The following SCN1A variants were observed in gnomAD, a reference collection of about 807,000 sequenced individuals.
SCN1A encodes the protein sodium voltage-gated channel alpha subunit 1.
Under a neutral mutation model 193.7 loss-of-function variants are expected in SCN1A, and 13 were observed. The observed-to-expected ratio is 0.07, with a 90% CI of 0.04 to 0.11. The LOEUF is 0.11. SCN1A is among the 10% of genes least tolerant of loss of function. The pLI is 1.00. For missense variants in SCN1A, 1,432 were observed against 2,451.1 expected, an observed-to-expected ratio of 0.58 and a Z score of 8.78; for synonymous variants, 781 against 843.6, an observed-to-expected ratio of 0.93 and a Z score of 1.29.
At chr2:166,056,860 T>C (rs1444553765) in intron 5 of SCN1A, among the ~76,000 whole-genome samples, 1 of 152,052 alleles carries the variant, frequency 6.6e-6, no homozygotes, top group East Asian at 1.9e-4. Context: ...GCAGAAAGTA[T>C]TGACTTGAGC....
At position 165,992,229 on chromosome 2, in the gene SCN1A, G is replaced by A. The variant is rs1201126725; in HGVS notation, c.5046C>T (p.Phe1682=). The part of the protein sequence containing the change: ...NIGLLLFLVM[F]IYAIFGMSNF... ...TGGACATCCCAAAGATGGCGTAGAT[G>A]AACATGACTAGGAAGAGTAGGAGGC... Residue 1682 remains phenylalanine, a synonymous_variant, in exon 29 of 29, where the codon TTC becomes TTT. Transcript: ENST00000674923. The surrounding 1 kb of genome is among the most constrained non-coding windows in gnomAD (Gnocchi z 6.5). 1.2e-6 allele frequency: 2 copies of A among 1,613,848 alleles called. No homozygotes were observed. The highest frequency in any genetic ancestry group is 1.3e-5 in the African/African-American group (1 of 74,970).
At chr2:166,110,463 T>C (rs34381310) in intron 2 of SCN1A, among the ~76,000 whole-genome samples, 31,179 of 152,158 alleles carry the variant, frequency 0.2, 3,730 homozygotes, top group Middle Eastern at 0.34. Flanking sequence ...GAAGAAAGTC[T>C]GAACAAAAGA....
At position 166,039,490 on chromosome 2, in the gene SCN1A, G is replaced by A. The variant is rs750901301; in HGVS notation, c.2522C>T (p.Thr841Met). 2.2e-5 allele frequency: 36 copies of A among 1,612,766 alleles called. No homozygotes were observed. Among genetic ancestry groups the A allele is most frequent in the Middle Eastern group, 1.6e-4 (1 of 6,076 alleles). Reference protein sequence around the residue: ...GWNIFDGFIVTLSLVELGLAN... With the variant: ...GWNIFDGFIVMLSLVELGLAN... ...GAGTCCAAGTTCTACCAGGCTAAGCGTCACAATAAAACCGTCAAAGATATT... is the reference window on the plus strand; with the variant it reads ...GAGTCCAAGTTCTACCAGGCTAAGCATCACAATAAAACCGTCAAAGATATT... The change falls in exon 17 of 29, where the codon ACG becomes ATG. Residue 841 changes from threonine to methionine, a missense_variant. Around this residue, in one of 18 missense-constraint regions of SCN1A, gnomAD observed 93 missense variants for 260.4 expected, o/e 0.36. Coordinates refer to ENST00000674923, the MANE Select transcript of SCN1A (RefSeq NM_001165963.4).
At chr2:166,120,683 G>A (rs189768108) in intron 2 of SCN1A, among the ~76,000 whole-genome samples, 14 of 140,504 alleles carry the variant, frequency 1.0e-4, no homozygotes, top group Non-Finnish European at 3.0e-5. Context: ...GCATGATCTC[G>A]GCTTGCTGCA....
At chr2:166,039,663 T>A in intron 16 of SCN1A, 67 bp from the exon 17 acceptor site, 1 of 1,378,468 alleles carries the variant, frequency 7.3e-7, no homozygotes, top group Non-Finnish European at 1.0e-6. Context: ...GATTTGCTCT[T>A]AGAACATAAT....
chr2:166,063,676 T>C (rs1683552206), intron 4 of SCN1A, among the ~76,000 whole-genome samples: 1 of 152,056 alleles, frequency 6.6e-6, no homozygotes, highest in African/African-American at 2.4e-5. Context: ...AAATCTGAGC[T>C]ACAGTTATGA....
intron 2 of SCN1A, among the ~76,000 whole-genome samples, chr2:166,090,833 A>T (rs2106080771): frequency 6.6e-6 from 1 of 152,328 alleles, no homozygotes; most frequent in South Asian, 2.1e-4. Context: ...AATATTTTAT[A>T]TCTATTGGTT....
intron 1 of SCN1A, among the ~76,000 whole-genome samples, chr2:166,137,798 G>A (rs1691921822): frequency 1.3e-5 from 2 of 152,296 alleles, no homozygotes; most frequent in South Asian, 4.1e-4. Context: ...GTAACAGGCA[G>A]AGGTTGGAAC....
chr2:166,055,268 G>T (rs184210124), intron 6 of SCN1A, among the ~76,000 whole-genome samples: 1 of 151,576 alleles, frequency 6.6e-6, no homozygotes, highest in East Asian at 1.9e-4. Context: ...TACTTCTAGG[G>T]TTATAAGAAG....
chr2:165,995,009 A>C (rs1272928150), intron 27 of SCN1A, among the ~76,000 whole-genome samples: 1 of 151,916 alleles, frequency 6.6e-6, no homozygotes, highest in African/African-American at 2.4e-5. Context: ...AAGGATAATG[A>C]GACCAGAATG....
intron 19 of SCN1A, among the ~76,000 whole-genome samples, chr2:166,024,182 C>T (rs1045901992): frequency 1.3e-5 from 2 of 151,956 alleles, no homozygotes; most frequent in African/African-American, 2.4e-5. Context: ...GCTGTGGTTG[C>T]GCCACTGCAC....
chr2:166,112,829 G>T (rs1178500924), intron 2 of SCN1A, among the ~76,000 whole-genome samples: 2 of 152,126 alleles, frequency 1.3e-5, no homozygotes, highest in African/African-American at 4.8e-5. Context: ...TGAAGATTAA[G>T]CTAATCACCA....
At chr2:166,106,979 C>G (rs970206395) in intron 2 of SCN1A, among the ~76,000 whole-genome samples, 8 of 152,102 alleles carry the variant, frequency 5.3e-5, no homozygotes, top group African/African-American at 1.9e-4. Flanking sequence ...ATGTCTTGTA[C>G]ATGAATATCA....
intron 2 of SCN1A, among the ~76,000 whole-genome samples, chr2:166,097,089 G>A (rs895354911): frequency 1.1e-4 from 17 of 150,966 alleles, no homozygotes; most frequent in South Asian, 2.1e-4. Flanking sequence ...TGGCATGATC[G>A]CGGCTCACTG....
intron 2 of SCN1A, among the ~76,000 whole-genome samples, chr2:166,102,190 G>A (rs1688155983): frequency 6.6e-6 from 1 of 152,196 alleles, no homozygotes; most frequent in Admixed American, 6.5e-5. Flanking sequence ...ACACCAGTCA[G>A]AATGACAATT....
intron 4 of SCN1A, among the ~76,000 whole-genome samples, chr2:166,067,219 T>C (rs1683933659): frequency 6.6e-6 from 1 of 152,184 alleles, no homozygotes; most frequent in Non-Finnish European, 1.5e-5. Flanking sequence ...TCTAAGATTT[T>C]AGTTTTTCCT....
At chr2:166,078,629 A>T (rs942753332) in intron 2 of SCN1A, among the ~76,000 whole-genome samples, 17 of 151,776 alleles carry the variant, frequency 1.1e-4, no homozygotes, top group African/African-American at 3.1e-4. Flanking sequence ...AAAAGCTTTG[A>T]ATAAACCAAA....
chr2:165,985,233 T>C (rs116611889), downstream of SCN1A: 1 of 148,316 alleles, frequency 6.7e-6, no homozygotes, highest in Admixed American at 6.8e-5. Context: ...ATGGGAAAAA[T>C]TGATCTCTGA....
chr2:166,068,301 A>G (rs1397527453), intron 4 of SCN1A, among the ~76,000 whole-genome samples: 1 of 152,204 alleles, frequency 6.6e-6, no homozygotes, highest in Non-Finnish European at 1.5e-5. Flanking sequence ...GCCAAGCATC[A>G]TTTTATTGAT....
Sources: allele counts gnomAD v4.1 joint callset (sites outside exome capture counted in the v4.1 genomes callset), GRCh38; gene constraint gnomAD v4.1.1; regional missense constraint gnomAD v4.1.1; non-coding constraint Gnocchi (gnomAD v3.1); transcripts MANE v1.5; gene names NCBI Gene and HGNC (gene_info 2026-07-23, HGNC 2026-07-21).